WDR19: variants seen among roughly 807,000 people sequenced by gnomAD.
WDR19 encodes the protein WD repeat-containing protein 19.
WDR19 carries 121 observed loss-of-function variants against 180.0 expected under a neutral mutation model. That is an observed-to-expected ratio of 0.67 (90% CI 0.58 to 0.78). The LOEUF is 0.78. WDR19 is among the 30% of genes least tolerant of loss of function. The probability of loss-of-function intolerance (pLI) is 0.00; values close to 1 mark genes in which losing one functional copy is unlikely to be tolerated. For missense variants in WDR19, 1,450 were observed against 1,640.7 expected, an observed-to-expected ratio of 0.88 and a Z score of 2.01; for synonymous variants, 497 against 540.7, an observed-to-expected ratio of 0.92 and a Z score of 1.12.
At chr4:39,210,737 A>G (rs988548532) in intron 9 of WDR19, among the ~76,000 whole-genome samples, 3 of 152,178 alleles carry the variant, frequency 2.0e-5, no homozygotes, top group African/African-American at 7.2e-5. Flanking sequence ...CCGTATATAT[A>G]ATCACATCAA....
chr4:39,186,759 TAG>T (rs1471692457), intron 3 of WDR19, among the ~76,000 whole-genome samples, 155 bp downstream of exon 3: 2 of 152,206 alleles, frequency 1.3e-5, no homozygotes, highest in African/African-American at 4.8e-5. Flanking sequence ...ATGAAATATG[TAG>T]AGATATAGCA....
intron 36 of WDR19, 82 bp downstream of exon 36, chr4:39,278,745 A>G (rs1448044637): frequency 5.6e-6 from 4 of 715,372 alleles, no homozygotes; most frequent in East Asian, 2.7e-5. Context: ...ATCAGCATCA[A>G]CTCCTTTCAG....
intron 26 of WDR19, among the ~76,000 whole-genome samples, 153 bp from the exon 27 acceptor site, chr4:39,255,695 G>C (rs1733678446): frequency 6.6e-6 from 1 of 152,086 alleles, no homozygotes; most frequent in South Asian, 2.1e-4. Flanking sequence ...ATTGTGATAA[G>C]TATGTTTTGT....
chr4:39,274,727 C>T (rs981474519), intron 32 of WDR19, 81 bp from the exon 33 acceptor site: 92 of 1,501,444 alleles, frequency 6.1e-5, no homozygotes, highest in Non-Finnish European at 7.7e-5. Flanking sequence ...TGTTTTCCTA[C>T]AGAACCAGGG....
chr4:39,205,750 A>G lies in WDR19; in HGVS notation c.890+14A>G. On this transcript the variant is annotated intron_variant, in intron 9 of 36. Coordinates refer to ENST00000399820, the MANE Select transcript of WDR19 (RefSeq NM_025132.4). ...TGGAGATAACTGGTAAGTTATTTTC[A>G]CATATTTTTAGGAAAGCTTATATAG... The G allele has an allele frequency of 6.4e-7, 1 of 1,572,464 alleles. No homozygotes were observed. Among genetic ancestry groups the G allele is most frequent in the South Asian group, 1.2e-5 (1 of 85,368 alleles).
At chr4:39,218,136 T>A (rs1729273350) in intron 14 of WDR19, 31 bp downstream of exon 14, 2 of 1,575,404 alleles carry the variant, frequency 1.3e-6, no homozygotes, top group Non-Finnish European at 8.6e-7. Flanking sequence ...TAGAGAACAC[T>A]GGGAATTTTT....
intron 14 of WDR19, among the ~76,000 whole-genome samples, chr4:39,223,744 G>A (rs189010304): frequency 3.3e-5 from 5 of 152,222 alleles, no homozygotes; most frequent in East Asian, 1.9e-4. Context: ...CCAATACTAC[G>A]CAGTCTTGAT....
At chr4:39,231,446 A>C (rs1730852546) in intron 17 of WDR19, among the ~76,000 whole-genome samples, 1 of 152,166 alleles carries the variant, frequency 6.6e-6, no homozygotes, top group Non-Finnish European at 1.5e-5. Flanking sequence ...TTAAACTTCT[A>C]AATTTATAGG....
rs377067096 is a variant in WDR19, at chr4:39,216,124, T to C, written c.1163T>C (p.Val388Ala). ...CTACCAATCACAGTTTCTGTTGATG[T>C]GGAACCCAACTTTGTGGCAGTAGGT... ...GELPITVSVD[V>A]EPNFVAVGLY... Residue 388 changes from valine (V) to alanine (A), a missense_variant, in exon 12 of 37, where the codon GTG becomes GCG. Physicochemically the swap from Val to Ala is moderately conservative, Grantham distance 64. Coordinates refer to ENST00000399820, the MANE Select transcript of WDR19 (RefSeq NM_025132.4). 1 of 1,593,130 alleles carries C rather than the reference T, an allele frequency of 6.3e-7. No homozygotes were observed. The highest frequency in any genetic ancestry group is 8.6e-7 in the Non-Finnish European group (1 of 1,169,300).
chr4:39,216,644 G>C (rs1414912161), intron 12 of WDR19, among the ~76,000 whole-genome samples: 1 of 152,132 alleles, frequency 6.6e-6, no homozygotes, highest in Admixed American at 6.5e-5. Context: ...CTTAAACCTA[G>C]TGGGTACTTA....
intron 6 of WDR19, among the ~76,000 whole-genome samples, chr4:39,203,239 A>G (rs1727565651): frequency 6.6e-6 from 1 of 151,516 alleles, no homozygotes; most frequent in Non-Finnish European, 1.5e-5. Context: ...TACTGAGATT[A>G]CAGATATGAG....
intron 28 of WDR19, among the ~76,000 whole-genome samples, chr4:39,263,923 T>TG (rs1734542518): frequency 1.4e-5 from 2 of 140,454 alleles, no homozygotes; most frequent in South Asian, 2.3e-4. Context: ...AAACTCCATC[T>TG]AAAAAAAAAA....
rs1035651362 is a variant in WDR19 at position 39,282,401 on chromosome 4, TTTTG to T, written c.*14-3078_*14-3075del. Among the ~76,000 whole-genome samples the T allele has an allele frequency of 7.9e-5, 12 of 151,938 alleles. No individual in the cohort carries two copies. In the South Asian group the frequency reaches 1.0e-3, roughly 13 times the overall value. On this transcript the variant is annotated intron_variant, in intron 36 of 36. Transcript: ENST00000399820. Reference sequence around the variant, plus strand: ...TTCCTCATCACTGTTTTGCAGGGTTTTTTGTTTGTTTTTGAGATGGAGTTTCACT... The same window carrying T: ...TTCCTCATCACTGTTTTGCAGGGTTTTTTGTTTTTGAGATGGAGTTTCACT...
At chr4:39,247,766 G>A (rs1374274975) in intron 24 of WDR19, among the ~76,000 whole-genome samples, 6 of 152,114 alleles carry the variant, frequency 3.9e-5, no homozygotes, top group East Asian at 1.9e-4. Context: ...GATGGAAGAC[G>A]AAATGAATGA....
At chr4:39,215,804 G>C (rs570431868) in intron 10 of WDR19, 37 bp from the exon 11 acceptor site, 1 of 1,570,122 alleles carries the variant, frequency 6.4e-7, no homozygotes, top group Non-Finnish European at 8.6e-7. Context: ...ACTATATATT[G>C]TTTTTGAATA....
chr4:39,187,097 G>C (rs1023281046), intron 3 of WDR19, among the ~76,000 whole-genome samples: 1 of 152,050 alleles, frequency 6.6e-6, no homozygotes, highest in African/African-American at 2.4e-5. Context: ...ACCTATATTA[G>C]TTATTCTACT....
At chr4:39,271,444 G>A (rs960839347) in intron 31 of WDR19, among the ~76,000 whole-genome samples, 18 of 152,066 alleles carry the variant, frequency 1.2e-4, no homozygotes, top group African/African-American at 3.4e-4. Context: ...TGGCTCACAC[G>A]TGTAATCCCA....
intron 18 of WDR19, 42 bp downstream of exon 18, chr4:39,231,998 G>T (rs1193696683): frequency 2.5e-6 from 4 of 1,591,436 alleles, no homozygotes; most frequent in Non-Finnish European, 3.4e-6. Flanking sequence ...AAATTTAAAT[G>T]CTATTTTAAG....
At chr4:39,195,007 G>A (rs779413086) in intron 5 of WDR19, among the ~76,000 whole-genome samples, 4 of 152,074 alleles carry the variant, frequency 2.6e-5, no homozygotes, top group Admixed American at 2.0e-4. Context: ...TGCTATTTTT[G>A]TTATTAATTT....
Sources: allele counts gnomAD v4.1 joint callset (sites outside exome capture counted in the v4.1 genomes callset), GRCh38; gene constraint gnomAD v4.1.1; transcripts MANE v1.5; gene names NCBI Gene and HGNC (gene_info 2026-07-23, HGNC 2026-07-21).